PTDSS2: variants seen among roughly 807,000 people sequenced by gnomAD.
The protein encoded by PTDSS2 is PSS-2.
Under a neutral mutation model 64.7 loss-of-function variants are expected in PTDSS2, and 41 were observed. The observed-to-expected ratio is 0.63, with a 90% CI of 0.49 to 0.82. The LOEUF is 0.82. Ranked by LOEUF, PTDSS2 falls within the 40% of genes least tolerant of loss-of-function variation. The pLI is 0.00. For synonymous variants in PTDSS2, 297 were observed against 277.8 expected (o/e 1.07, Z -0.69); for missense variants, 485 against 650.0 (o/e 0.75, Z 2.76).
chr11:456,733 C>T (rs1846614785), intron 1 of PTDSS2, among the ~76,000 whole-genome samples: 1 of 152,124 alleles, frequency 6.6e-6, no homozygotes, highest in African/African-American at 2.4e-5. Flanking sequence ...GAATGGGGGC[C>T]TAAGAGGGCC....
chr11:450,383 C>T lies in PTDSS2; in HGVS notation c.-73C>T, dbSNP rs1438608828. 2.6e-5 allele frequency: 31 copies of T among 1,180,794 alleles called. No individual in the cohort carries two copies. The highest frequency in any genetic ancestry group is 2.6e-4 in the Admixed American group (6 of 23,134). The allele number at this position is 1,180,794 out of a possible 1,614,324, so 73.1% of individuals were successfully genotyped here. ...CCAGCGCTCCTCGCGCTGTGTGCGG[C>T]GCGTCCTCTCGCCGGTGACCCGGTG... On this transcript the variant is annotated 5_prime_UTR_variant, in exon 1 of 12. Coordinates refer to ENST00000308020, the MANE Select transcript of PTDSS2 (RefSeq NM_030783.3).
chr11:481,009 G>A (rs564384040), intron 4 of PTDSS2, among the ~76,000 whole-genome samples: 172 of 151,928 alleles, frequency 1.1e-3, no homozygotes, highest in Non-Finnish European at 1.9e-3. Flanking sequence ...GCCTGAACCC[G>A]GGAGGCAGAG....
intron 1 of PTDSS2, among the ~76,000 whole-genome samples, chr11:450,855 G>C (rs957533275): frequency 6.6e-6 from 1 of 152,092 alleles, no homozygotes; most frequent in African/African-American, 2.4e-5. Flanking sequence ...CGCTGTAGGT[G>C]GGGGAGACCC....
In PTDSS2 at chr11:479,147, T is replaced by C. The variant is rs537963490; in HGVS notation, c.430T>C (p.Phe144Leu). The C allele has an allele frequency of 6.2e-6, 10 of 1,613,738 alleles. No homozygotes were observed. The African/African-American group carries it at 8.0e-5, about 13-fold the overall frequency. Residue 144 changes from phenylalanine (F) to leucine (L), a missense_variant, in exon 4 of 12, where the codon TTC becomes CTC. Phe to Leu is a conservative substitution (Grantham distance 22, BLOSUM62 0). This residue lies in a region of PTDSS2 where 251 missense variants were observed against 348.0 expected (regional missense o/e 0.72). Transcript: ENST00000308020. The surrounding 1 kb of genome is among the most constrained non-coding windows in gnomAD (Gnocchi z 4.2). ...CGAGCTGTTTCTCATCTTTATACTCTTCCAGGTAAGCTGTTTTTCTGGGTT... is the reference window on the plus strand; with the variant it reads ...CGAGCTGTTTCTCATCTTTATACTCCTCCAGGTAAGCTGTTTTTCTGGGTT... The part of the protein sequence containing the change: ...VYELFLIFIL[F>L]QTVQDGRQFL...
Position 462,994 on chromosome 11 carries a change from C to T in PTDSS2, c.284+2706C>T, listed in dbSNP as rs1275772425. On this transcript the variant is annotated intron_variant, in intron 2 of 11. Transcript: ENST00000308020. The surrounding 1 kb of genome is among the most constrained non-coding windows in gnomAD (Gnocchi z 4.5). ...CCAACCTAACCAACATGGTGAAATC[C>T]TGTCTCTACTAAAAATACAAAAATT... 6.7e-6 allele frequency: 1 copy of T among 150,292 alleles called. No homozygotes were observed. The highest frequency in any genetic ancestry group is 2.4e-5 in the African/African-American group (1 of 40,832). The allele number at this position is 150,292 out of a possible 1,614,324, so 9.3% of individuals were successfully genotyped here. A position where few individuals can be genotyped will look rare whatever the true frequency, so the allele number is the denominator to read the frequency against.
At chr11:458,399 G>C (rs1846697126) in intron 1 of PTDSS2, among the ~76,000 whole-genome samples, 2 of 151,230 alleles carry the variant, frequency 1.3e-5, no homozygotes, top group South Asian at 4.2e-4. Flanking sequence ...TAGAGATGGG[G>C]TTTCACCGTG....
intron 3 of PTDSS2, among the ~76,000 whole-genome samples, chr11:474,594 C>G (rs1564978826): frequency 6.6e-6 from 1 of 152,336 alleles, no homozygotes; most frequent in East Asian, 1.9e-4. Context: ...TCTAACAAAC[C>G]CTCGTGGGCC....
At chr11:490,211 C>A in intron 11 of PTDSS2, 143 bp downstream of exon 11, 1 of 1,162,222 alleles carries the variant, frequency 8.6e-7, no homozygotes, top group Non-Finnish European at 1.2e-6. Context: ...GGCGCCTTTC[C>A]TGACCCAGCC....
chr11:486,703 C>G (rs375316843), intron 4 of PTDSS2, among the ~76,000 whole-genome samples: 106 of 152,230 alleles, frequency 7.0e-4, no homozygotes, highest in African/African-American at 2.5e-3. Flanking sequence ...AAAATACTAG[C>G]CGGGCGTGGT....
rs369708323 is a variant in PTDSS2, at chr11:490,800, G to GCGTGTGTACA, written c.*227_*228insACGTGTGTAC. ...TGTACGTGTGTATGCGTGTGTGTAC[G>GCGTGTGTACA]CGTGTGTACGCGCGTGTGTACACAT... On this transcript the variant is annotated 3_prime_UTR_variant, in exon 12 of 12. Transcript: ENST00000308020. 4.9e-5 allele frequency: 28 copies of GCGTGTGTACA among 575,338 alleles called. No homozygotes were observed. The East Asian group carries it at 5.0e-4, about 10-fold the overall frequency. 35.6% of individuals were successfully genotyped at this position (575,338 alleles called of 1,614,324 possible).
At chr11:474,259 T>A (rs1847616197) in intron 3 of PTDSS2, among the ~76,000 whole-genome samples, 1 of 151,950 alleles carries the variant, frequency 6.6e-6, no homozygotes, top group Non-Finnish European at 1.5e-5. Flanking sequence ...GCCTCCTCTT[T>A]CCACAGACCA....
Position 460,418 on chromosome 11 carries a change from T to C in PTDSS2, c.284+130T>C, listed in dbSNP as rs1174056714. 2 of 711,278 alleles carry C rather than the reference T, an allele frequency of 2.8e-6. No individual in the cohort carries two copies. The highest frequency in any genetic ancestry group is 4.9e-6 in the Non-Finnish European group (2 of 407,836). The allele number at this position is 711,278 out of a possible 1,614,324, so 44.1% of individuals were successfully genotyped here. ...AGAGGGCTGCGTGGGGCCGCCGGCC[T>C]CTCCCTTGAGTGTGTCTGATGTGCA... On this transcript the variant is annotated intron_variant, in intron 2 of 11. Coordinates refer to ENST00000308020, the MANE Select transcript of PTDSS2 (RefSeq NM_030783.3). This position sits in a 1 kb window ranked among gnomAD's most constrained non-coding sequence, Gnocchi z 5.8.
At chr11:484,917 C>G (rs1348162067) in intron 4 of PTDSS2, among the ~76,000 whole-genome samples, 4 of 145,528 alleles carry the variant, frequency 2.7e-5, no homozygotes, top group Non-Finnish European at 6.0e-5. Context: ...GCTCACTGCG[C>G]AGGCGAGTGT....
rs202068789 is a variant in PTDSS2 at position 479,175 on chromosome 11, A to T, written c.435+23A>T. ...CAGGTAAGCTGTTTTTCTGGGTTGGATACCTGGGAACTTAGGTGACAGTGT... is the reference window on the plus strand; with the variant it reads ...CAGGTAAGCTGTTTTTCTGGGTTGGTTACCTGGGAACTTAGGTGACAGTGT... On this transcript the variant is annotated intron_variant, in intron 4 of 11. Coordinates refer to ENST00000308020, the MANE Select transcript of PTDSS2 (RefSeq NM_030783.3). This position sits in a 1 kb window ranked among gnomAD's most constrained non-coding sequence, Gnocchi z 4.2. The T allele has an allele frequency of 2.9e-3, 4,601 of 1,599,078 alleles. 10 individuals carry two copies. The highest frequency in any genetic ancestry group is 3.4e-3 in the Non-Finnish European group (3,964 of 1,166,274).
Position 468,531 on chromosome 11 carries a change from G to A in PTDSS2, c.285-5364G>A, listed in dbSNP as rs112123558. On this transcript the variant is annotated intron_variant, in intron 2 of 11. Coordinates refer to ENST00000308020, the MANE Select transcript of PTDSS2 (RefSeq NM_030783.3). ...ATCTTAACTACTGCAGATGCATTCCGTGACCTTCCTGAAGGGTGTTCAGAG... is the reference window on the plus strand; with the variant it reads ...ATCTTAACTACTGCAGATGCATTCCATGACCTTCCTGAAGGGTGTTCAGAG... 8.1e-3 allele frequency among the ~76,000 whole-genome samples: 1,227 copies of A among 152,372 alleles called. 22 individuals carry two copies. The highest frequency in any genetic ancestry group is 0.028 in the African/African-American group (1,179 of 41,580).
In PTDSS2 at chr11:490,854, C is replaced by G. The variant is rs1280170370; in HGVS notation, c.*272C>G. The G allele has an allele frequency of 6.6e-6, 3 of 457,188 alleles. No homozygotes were observed. Among genetic ancestry groups the G allele is most frequent in the African/African-American group, 2.0e-5 (1 of 49,968 alleles). The allele number at this position is 457,188 out of a possible 1,614,324, so 28.3% of individuals were successfully genotyped here. On this transcript the variant is annotated 3_prime_UTR_variant, in exon 12 of 12. Coordinates refer to ENST00000308020, the MANE Select transcript of PTDSS2 (RefSeq NM_030783.3). ...TGGCCGCCTGTGGTGTGCACGTGTG[C>G]TCTGGGCTCCGAGGCTTCTCCAGAG...
intron 2 of PTDSS2, among the ~76,000 whole-genome samples, chr11:467,251 G>T (rs560119440): frequency 5.3e-5 from 8 of 152,276 alleles, no homozygotes; most frequent in African/African-American, 1.9e-4. Flanking sequence ...AAGTTATTCA[G>T]ACGGGAGATT....
intron 2 of PTDSS2, among the ~76,000 whole-genome samples, chr11:472,367 C>G (rs1847505481): frequency 6.6e-6 from 1 of 152,210 alleles, no homozygotes; most frequent in Non-Finnish European, 1.5e-5. Context: ...GGGAGGGGTA[C>G]CGGTGACAGG....
At chr11:478,494 C>T (rs1342230315) in intron 3 of PTDSS2, among the ~76,000 whole-genome samples, 1 of 151,668 alleles carries the variant, frequency 6.6e-6, no homozygotes, top group African/African-American at 2.4e-5. Context: ...CACCTGTAAT[C>T]CCAGCACTTT....
Sources: gnomAD v4.1 joint callset for allele counts (sites outside exome capture counted in the v4.1 genomes callset) on GRCh38, gnomAD v4.1.1 for gene constraint, gnomAD v4.1.1 regional missense constraint, Gnocchi (gnomAD v3.1) non-coding constraint, MANE v1.5 for transcripts, NCBI Gene and HGNC (gene_info 2026-07-23, HGNC 2026-07-21) for gene names.